TSHZ2: variants seen among roughly 807,000 people sequenced by gnomAD.
TSHZ2 encodes teashirt homolog 2.
TSHZ2 carries 21 observed loss-of-function variants against 74.4 expected under a neutral mutation model. The observed-to-expected ratio is 0.28, with a 90% CI of 0.20 to 0.41. The LOEUF is 0.41. Ranked by LOEUF, TSHZ2 falls within the 10% of genes least tolerant of loss-of-function variation. TSHZ2 has a pLI of 1.00. For synonymous variants in TSHZ2, 540 were observed against 515.3 expected (o/e 1.05, Z -0.65); for missense variants, 1,244 against 1,293.5 (o/e 0.96, Z 0.59).
At chr20:53,366,392 A>G (rs1981258674) in intron 2 of TSHZ2, among the ~76,000 whole-genome samples, 1 of 152,246 alleles carries the variant, frequency 6.6e-6, no homozygotes, top group South Asian at 2.1e-4. Flanking sequence ...AAAGGTGTTT[A>G]GTCTATTTAA....
At chr20:52,975,176 A>G (rs1317028785) in intron 1 of TSHZ2, among the ~76,000 whole-genome samples, 1 of 152,122 alleles carries the variant, frequency 6.6e-6, no homozygotes, top group Non-Finnish European at 1.5e-5. Context: ...ATTAGAGATA[A>G]CGTCCTTATT....
intron 1 of TSHZ2, among the ~76,000 whole-genome samples, chr20:53,119,029 A>G (rs989499608): frequency 2.6e-5 from 4 of 152,026 alleles, no homozygotes; most frequent in African/African-American, 9.7e-5. Flanking sequence ...CTATCATTAG[A>G]ACAGCTCCAA....
At chr20:53,312,568 A>G (rs1026438547) in intron 2 of TSHZ2, among the ~76,000 whole-genome samples, 1 of 152,220 alleles carries the variant, frequency 6.6e-6, no homozygotes, top group African/African-American at 2.4e-5. Context: ...AAATGGCACC[A>G]GTCGCTCTAT....
intron 2 of TSHZ2, among the ~76,000 whole-genome samples, chr20:53,274,051 C>T (rs1346224071): frequency 6.6e-6 from 1 of 152,130 alleles, no homozygotes; most frequent in Non-Finnish European, 1.5e-5. Flanking sequence ...GAGGCCAAGG[C>T]GGGCAGATCA....
chr20:53,475,133 G>A (rs1481335930), intron 2 of TSHZ2, among the ~76,000 whole-genome samples: 1 of 140,472 alleles, frequency 7.1e-6, no homozygotes, highest in Non-Finnish European at 1.5e-5. Context: ...CCCAGGAATT[G>A]AACTCAGCTC....
Position 53,412,374 on chromosome 20 carries a change from G to A in TSHZ2, c.*9-74770G>A, listed in dbSNP as rs182393527. 3.5e-4 allele frequency among the ~76,000 whole-genome samples: 54 copies of A among 152,382 alleles called. 1 individual carries two copies. Among genetic ancestry groups the A allele is most frequent in the African/African-American group, 1.1e-3 (44 of 41,584 alleles). ...CCCAGCCTGTGTGCTCCAGGAGAAT[G>A]ATCAAAGCTGACCCATTGTTGGTTT... is the stretch of plus-strand genomic sequence containing the variant. On this transcript the variant is annotated intron_variant, in intron 2 of 2. Coordinates refer to ENST00000371497, the MANE Select transcript of TSHZ2 (RefSeq NM_173485.6).
At chr20:53,429,081 T>G (rs1157459315) in intron 2 of TSHZ2, among the ~76,000 whole-genome samples, 1 of 152,234 alleles carries the variant, frequency 6.6e-6, no homozygotes, top group Admixed American at 6.5e-5. Context: ...GTTTTGTTTC[T>G]GAAGAAATTT....
At chr20:53,217,890 G>A (rs773736695) in intron 1 of TSHZ2, among the ~76,000 whole-genome samples, 8 of 152,164 alleles carry the variant, frequency 5.3e-5, no homozygotes, top group Non-Finnish European at 1.2e-4. Context: ...AAAAACTAAG[G>A]TTGAAGGAAG....
At chr20:53,245,586 A>C (rs1990182149) in intron 1 of TSHZ2, among the ~76,000 whole-genome samples, 1 of 152,162 alleles carries the variant, frequency 6.6e-6, no homozygotes, top group Non-Finnish European at 1.5e-5. Context: ...TTACATCCAA[A>C]CTTCTCAAAC....
At chr20:53,318,255 G>C (rs900863564) in intron 2 of TSHZ2, among the ~76,000 whole-genome samples, 3 of 152,156 alleles carry the variant, frequency 2.0e-5, no homozygotes, top group African/African-American at 7.2e-5. Context: ...CTTCTGGTAG[G>C]AGAGGGCAAA....
chr20:53,078,143 A>T (rs1985422893), intron 1 of TSHZ2, among the ~76,000 whole-genome samples: 1 of 152,174 alleles, frequency 6.6e-6, no homozygotes, highest in Admixed American at 6.5e-5. Flanking sequence ...TAGACTGCAA[A>T]ATCTGTGTGT....
intron 2 of TSHZ2, among the ~76,000 whole-genome samples, chr20:53,386,197 C>G (rs577288545): frequency 2.6e-5 from 4 of 152,256 alleles, no homozygotes; most frequent in African/African-American, 7.2e-5. Context: ...TATTTTTAGG[C>G]CTACTGTTTA....
At chr20:53,139,567 A>C (rs1238520536) in intron 1 of TSHZ2, among the ~76,000 whole-genome samples, 1 of 152,140 alleles carries the variant, frequency 6.6e-6, no homozygotes, top group African/African-American at 2.4e-5. Flanking sequence ...AATCAATCTA[A>C]TTCTGTGTTA....
At chr20:53,185,266 G>T in intron 1 of TSHZ2, 1 of 1,012,236 alleles carries the variant, frequency 9.9e-7, no homozygotes, top group Non-Finnish European at 1.2e-6. Flanking sequence ...ATAAAACCTC[G>T]TGGGTTCAAA....
intron 1 of TSHZ2, among the ~76,000 whole-genome samples, chr20:53,154,886 TCATTATTGA>T (rs1987757003): frequency 6.6e-6 from 1 of 152,186 alleles, no homozygotes; most frequent in African/African-American, 2.4e-5. Flanking sequence ...ATCATCATTA[TCATTATTGA>T]CATGCATTTA....
At chr20:53,005,022 C>G (rs1982586419) in intron 1 of TSHZ2, among the ~76,000 whole-genome samples, 1 of 152,072 alleles carries the variant, frequency 6.6e-6, no homozygotes, top group African/African-American at 2.4e-5. Context: ...ATATAAGAAG[C>G]CAGGTTTAAG....
chr20:53,478,724 C>T (rs535171993), intron 2 of TSHZ2, among the ~76,000 whole-genome samples: 22 of 151,532 alleles, frequency 1.5e-4, no homozygotes, highest in Admixed American at 5.9e-4. Flanking sequence ...AGAAAGAGCT[C>T]GTGGGGAGCA....
chr20:53,347,634 CTTT>C (rs11479969), intron 2 of TSHZ2, among the ~76,000 whole-genome samples: 4 of 150,768 alleles, frequency 2.7e-5, no homozygotes, highest in South Asian at 4.2e-4. Context: ...ATCTTTTTTA[CTTT>C]TTTTTTTTCC....
At chr20:52,993,997 G>A (rs972214909) in intron 1 of TSHZ2, among the ~76,000 whole-genome samples, 1 of 152,196 alleles carries the variant, frequency 6.6e-6, no homozygotes, top group African/African-American at 2.4e-5. Flanking sequence ...CTCATTCCAA[G>A]AATAACACAA....
Sources: allele counts gnomAD v4.1 joint callset (sites outside exome capture counted in the v4.1 genomes callset), GRCh38; gene constraint gnomAD v4.1.1; transcripts MANE v1.5; gene names NCBI Gene and HGNC (gene_info 2026-07-23, HGNC 2026-07-21).